TEX11: variants seen among roughly 807,000 people sequenced by gnomAD.
TEX11 encodes the protein testis-expressed protein 11.
A neutral mutation model predicts 84.4 loss-of-function variants in TEX11; 7 were observed. That is an observed-to-expected ratio of 0.08 (90% confidence interval 0.05 to 0.16). TEX11 has a LOEUF of 0.16. Among genes scored for constraint, TEX11 ranks in the 10% least tolerant of loss-of-function variants. The pLI, the probability that TEX11 is intolerant of heterozygous loss-of-function variation, is 1.00. For missense variants in TEX11, 551 were observed against 660.5 expected (o/e 0.83, Z 1.82); for synonymous variants, 264 against 222.8 (o/e 1.18, Z -1.64).
At position 70,878,461 on chromosome X, in the gene TEX11, G is replaced by A. The variant is rs764049329; in HGVS notation, c.159+1527C>T. Among the ~76,000 whole-genome samples, 17 of 110,733 alleles carry A rather than the reference G, an allele frequency of 1.5e-4. No homozygotes were observed. The East Asian group carries it at 3.1e-3, about 20-fold the overall frequency. On this transcript the variant is annotated intron_variant, in intron 3 of 29. Transcript: ENST00000374333. ...GCTGGGATTACAGGCGTGAGTCACC[G>A]TGCCCAGCCAACTGGATCCCTCTTA...
chrX:70,637,738 G>A (rs1478461347), intron 17 of TEX11, among the ~76,000 whole-genome samples: 1 of 110,333 alleles, frequency 9.1e-6, no homozygotes, highest in Non-Finnish European at 1.9e-5. Context: ...ATGGGGGTTA[G>A]CAACACATAC....
In TEX11 at chrX:70,774,285, A is replaced by C. The variant is rs1249502321; in HGVS notation, c.693-30066T>G. ...ACAGCTAACATCATAAAAAAAAAAAAAAAACTGGAAGCTTTTCTTCCAACA... is the reference window on the plus strand; with the variant it reads ...ACAGCTAACATCATAAAAAAAAAAACAAAACTGGAAGCTTTTCTTCCAACA... On this transcript the variant is annotated intron_variant, in intron 9 of 29. Transcript: ENST00000374333. Among the ~76,000 whole-genome samples, 5 of 109,929 alleles carry C rather than the reference A, an allele frequency of 4.5e-5. No homozygotes were observed. In the East Asian group the frequency reaches 1.1e-3, roughly 25 times the overall value.
intron 25 of TEX11, among the ~76,000 whole-genome samples, chrX:70,571,275 T>C (rs1013542409): frequency 8.9e-6 from 1 of 112,215 alleles, no homozygotes; most frequent in Non-Finnish European, 1.9e-5. Flanking sequence ...CGCCTTGGCC[T>C]CCCAAAGTGC....
At chrX:70,661,042 C>T (rs2089920050) in intron 16 of TEX11, among the ~76,000 whole-genome samples, 1 of 112,228 alleles carries the variant, frequency 8.9e-6, no homozygotes, top group Admixed American at 9.4e-5. Context: ...ACAGTGGGTG[C>T]AGCACACCGA....
the TEX11 span, among the ~76,000 whole-genome samples, chrX:70,512,774 A>C: frequency 9.2e-6 from 1 of 108,894 alleles, no homozygotes; most frequent in Non-Finnish European, 1.9e-5. Context: ...AGGGAGCTGT[A>C]AATATGCAGA....
chrX:70,790,428 A>T (rs2091110973), intron 9 of TEX11, among the ~76,000 whole-genome samples: 1 of 111,413 alleles, frequency 9.0e-6, no homozygotes, highest in Non-Finnish European at 1.9e-5. Flanking sequence ...ATTATGAGTC[A>T]ACACACTCCC....
chrX:70,718,723 C>T lies in TEX11; in HGVS notation c.1004+3895G>A, dbSNP rs149232782. 1.7e-4 allele frequency among the ~76,000 whole-genome samples: 19 copies of T among 111,816 alleles called. No individual in the cohort carries two copies. In the East Asian group the frequency reaches 4.2e-3, roughly 25 times the overall value. ...ATTCCCCAGTTGCTCTTTAGGAATT[C>T]GCTAGGCTGAAAAAAGCTACCACAC... On this transcript the variant is annotated intron_variant, in intron 13 of 29. Coordinates refer to ENST00000374333, the MANE Select transcript of TEX11 (RefSeq NM_031276.3).
chrX:70,813,014 A>G (rs2091266257), intron 8 of TEX11, among the ~76,000 whole-genome samples: 1 of 111,629 alleles, frequency 9.0e-6, no homozygotes, highest in Non-Finnish European at 1.9e-5. Flanking sequence ...ATTCTACCAG[A>G]GGTACAAGGA....
chrX:70,579,648 G>GA (rs1018390888), intron 25 of TEX11, among the ~76,000 whole-genome samples: 14 of 111,419 alleles, frequency 1.3e-4, no homozygotes, highest in Non-Finnish European at 2.5e-4. Context: ...AACTCTATAG[G>GA]AAAAAATCTA....
At chrX:70,735,126 C>A (rs1350025380) in intron 11 of TEX11, among the ~76,000 whole-genome samples, 2 of 110,932 alleles carry the variant, frequency 1.8e-5, no homozygotes, top group Non-Finnish European at 3.8e-5. Flanking sequence ...AATCTTGGCT[C>A]ACTGCAACCT....
intron 7 of TEX11, among the ~76,000 whole-genome samples, chrX:70,842,193 G>C (rs1331111134): frequency 9.0e-6 from 1 of 111,239 alleles, no homozygotes; most frequent in African/African-American, 3.3e-5. Flanking sequence ...GAGAATTTTA[G>C]ACCAATATCC....
At chrX:70,529,725 C>T in intron 29 of TEX11, 110 bp downstream of exon 29, 1 of 804,998 alleles carries the variant, frequency 1.2e-6, no homozygotes. Flanking sequence ...GAACAATGAG[C>T]AAGATCCTTT....
At chrX:70,652,913 T>G (rs969611066) in intron 16 of TEX11, among the ~76,000 whole-genome samples, 1 of 110,307 alleles carries the variant, frequency 9.1e-6, no homozygotes, top group African/African-American at 3.3e-5. Context: ...ATTTTCACAC[T>G]AGTAGAAGGG....
At chrX:70,895,279 C>A (rs2091760760) in intron 2 of TEX11, among the ~76,000 whole-genome samples, 1 of 111,178 alleles carries the variant, frequency 9.0e-6, no homozygotes, top group African/African-American at 3.3e-5. Flanking sequence ...ACAATTGCTA[C>A]AAAAAGAATA....
intron 8 of TEX11, among the ~76,000 whole-genome samples, chrX:70,824,400 C>T (rs1355567722): frequency 8.9e-6 from 1 of 111,938 alleles, no homozygotes; most frequent in East Asian, 2.8e-4. Flanking sequence ...TTCTCTTGTG[C>T]TCAGGCCCTA....
At chrX:70,906,281 G>C (rs5937021) in intron 2 of TEX11, among the ~76,000 whole-genome samples, 146 of 105,274 alleles carry the variant, frequency 1.4e-3, no homozygotes, top group Middle Eastern at 4.9e-3. Flanking sequence ...GCAAGCTTAA[G>C]ATTTGACAAA....
chrX:70,639,379 C>G (rs976537124), intron 17 of TEX11, among the ~76,000 whole-genome samples: 1 of 112,067 alleles, frequency 8.9e-6, no homozygotes, highest in Non-Finnish European at 1.9e-5. Context: ...CTTAGGTAAA[C>G]AAAGCAGCCG....
At chrX:70,555,563 C>A (rs2088275865) in intron 25 of TEX11, among the ~76,000 whole-genome samples, 1 of 111,852 alleles carries the variant, frequency 8.9e-6, no homozygotes, top group Non-Finnish European at 1.9e-5. Context: ...ACCATCCAAC[C>A]AAGGTAGCAA....
chrX:70,698,789 A>G (rs1032740768), intron 13 of TEX11, among the ~76,000 whole-genome samples: 1 of 111,533 alleles, frequency 9.0e-6, no homozygotes, highest in African/African-American at 3.3e-5. Flanking sequence ...GTAAAGAGGA[A>G]AATCAATCAG....
Sources: gnomAD v4.1 joint callset for allele counts (sites outside exome capture counted in the v4.1 genomes callset) on GRCh38, gnomAD v4.1.1 for gene constraint, MANE v1.5 for transcripts, NCBI Gene and HGNC (gene_info 2026-07-23, HGNC 2026-07-21) for gene names.